SLC5A8: variants seen among roughly 807,000 people sequenced by gnomAD.
The protein encoded by SLC5A8 is solute carrier family 5 member 8, also known as sodium-coupled monocarboxylate transporter 1.
In SLC5A8, 55 loss-of-function variants were observed where a neutral mutation model predicts 71.9. The ratio of observed to expected loss-of-function variants is 0.77; its 90% CI spans 0.62 to 0.96. The LOEUF (loss-of-function observed/expected upper bound fraction) is 0.96. Ranked by LOEUF, SLC5A8 falls within the 40% of genes least tolerant of loss-of-function variation. The probability of loss-of-function intolerance (pLI) is 0.00; values close to 1 mark genes in which losing one functional copy is unlikely to be tolerated. For missense variants in SLC5A8, 701 were observed against 745.3 expected (o/e 0.94, Z 0.69); for synonymous variants, 307 against 276.1 (o/e 1.11, Z -1.11).
Position 101,158,582 on chromosome 12 carries a change from CTCTCTCTCTCTCTCTCTATATATATATA to C in SLC5A8, c.1631-282_1631-255del, listed in dbSNP as rs1228203026. Among the ~76,000 whole-genome samples, 463 of 51,280 alleles carry C rather than the reference CTCTCTCTCTCTCTCTCTATATATATATA, an allele frequency of 9.0e-3. 2 individuals are homozygous for C. Among genetic ancestry groups the C allele is most frequent in the Middle Eastern group, 0.025 (3 of 120 alleles). 33.6% of individuals were successfully genotyped at this position (51,280 alleles called of 152,430 possible). On this transcript the variant is annotated intron_variant, in intron 13 of 14. Transcript: ENST00000536262. ...TCTCTCTCTCTCTCTCTCTCTCTCT[CTCTCTCTCTCTCTCTCTATATATATATA>C]TATATATATATATATATATATATGT...
In SLC5A8 at chr12:101,163,250, A is replaced by G. The variant is rs1409494800; in HGVS notation, c.1527-1173T>C. Among the ~76,000 whole-genome samples, 3 of 152,340 alleles carry G rather than the reference A, an allele frequency of 2.0e-5. No individual in the cohort carries two copies. In the East Asian group the frequency reaches 5.8e-4, roughly 29 times the overall value. On this transcript the variant is annotated intron_variant, in intron 12 of 14. Transcript: ENST00000536262. ...ACATGAACATTCTATGATCATTTCT[A>G]CAATGATTGCTCTAGGATTCCACTT...
At chr12:101,182,350 C>A (rs553705824) in intron 9 of SLC5A8, among the ~76,000 whole-genome samples, 1 of 152,260 alleles carries the variant, frequency 6.6e-6, no homozygotes, top group East Asian at 1.9e-4. Context: ...TATGGGAAGA[C>A]AACATAACTG....
chr12:101,187,375 T>C lies in SLC5A8; in HGVS notation c.963+11A>G, dbSNP rs1206513046. ...TATTAATACACCTGTAAGAAAGACA[T>C]GGTACTGAACCTGGTCTGGTGCAGA... On this transcript the variant is annotated intron_variant, in intron 7 of 14. Transcript: ENST00000536262. 1.1e-5 allele frequency: 18 copies of C among 1,608,312 alleles called. No homozygotes were observed. Among genetic ancestry groups the C allele is most frequent in the Admixed American group, 1.7e-5 (1 of 58,874 alleles).
intron 6 of SLC5A8, among the ~76,000 whole-genome samples, chr12:101,189,852 A>G (rs1868819679): frequency 6.6e-6 from 1 of 152,230 alleles, no homozygotes; most frequent in Non-Finnish European, 1.5e-5. Context: ...AGGAACTTAC[A>G]TATACTAGGC....
chr12:101,158,594 CTCTCTATATATATATATA>C (rs1436991713), intron 13 of SLC5A8, among the ~76,000 whole-genome samples: 5 of 21,312 alleles, frequency 2.3e-4, no homozygotes, highest in South Asian at 1.7e-3. Flanking sequence ...CTCTCTCTCT[CTCTCTATATATATATATA>C]TATATATATA....
At chr12:101,179,559 G>T (rs1352559119) in intron 10 of SLC5A8, among the ~76,000 whole-genome samples, 1 of 152,156 alleles carries the variant, frequency 6.6e-6, no homozygotes, top group Non-Finnish European at 1.5e-5. Flanking sequence ...GTAATTCCAT[G>T]TATGTAGCAT....
At chr12:101,204,924 A>G (rs779452676) in intron 1 of SLC5A8, among the ~76,000 whole-genome samples, 1 of 152,136 alleles carries the variant, frequency 6.6e-6, no homozygotes. Context: ...GGCCTTTTCC[A>G]GAATGTCATA....
chr12:101,195,519 G>A lies in SLC5A8; in HGVS notation c.470-357C>T, dbSNP rs115241779. Among the ~76,000 whole-genome samples the A allele has an allele frequency of 6.8e-3, 1,035 of 152,150 alleles. 10 individuals are homozygous for A. The highest frequency in any genetic ancestry group is 0.023 in the African/African-American group (973 of 41,518). On this transcript the variant is annotated intron_variant, in intron 3 of 14. Transcript: ENST00000536262. ...AATAAACACTCTATTTTTATGTAAT[G>A]TTGCAAATACCTGAATTTGAGGATA...
rs551741624 is a variant in SLC5A8, at chr12:101,195,283, C to T, written c.470-121G>A. ...AGGCACCTTCCTCTATACCCACTTG[C>T]CTAAAGCTAAAACTAGCTCCAAATC... On this transcript the variant is annotated intron_variant, in intron 3 of 14. Coordinates refer to ENST00000536262, the MANE Select transcript of SLC5A8 (RefSeq NM_145913.5). The T allele has an allele frequency of 4.0e-5, 39 of 981,840 alleles. No individual in the cohort carries two copies. In the African/African-American group the frequency reaches 5.6e-4, roughly 14 times the overall value. The allele number at this position is 981,840 out of a possible 1,614,324, so 60.8% of individuals were successfully genotyped here.
In SLC5A8 at chr12:101,187,242, C is replaced by A. The variant is rs1445836214; in HGVS notation, c.963+144G>T. On this transcript the variant is annotated intron_variant, in intron 7 of 14. Coordinates refer to ENST00000536262, the MANE Select transcript of SLC5A8 (RefSeq NM_145913.5). The stretch of plus-strand genomic sequence containing the variant: ...CTTGCTATATCTGCTAAAATAAATT[C>A]TTAACAAAGTTTTATAGAAATGTAA... The A allele has an allele frequency of 1.6e-5, 15 of 927,684 alleles. No homozygotes were observed. The East Asian group carries it at 4.0e-4, about 25-fold the overall frequency. 57.5% of individuals were successfully genotyped at this position (927,684 alleles called of 1,614,324 possible).
At chr12:101,163,894 G>C (rs1190849218) in intron 12 of SLC5A8, among the ~76,000 whole-genome samples, 1 of 152,124 alleles carries the variant, frequency 6.6e-6, no homozygotes, top group Non-Finnish European at 1.5e-5. Flanking sequence ...TTCAATAAAT[G>C]GTGTTTAGTT....
At chr12:101,178,371 G>A (rs35916588) in intron 10 of SLC5A8, among the ~76,000 whole-genome samples, 1 of 152,082 alleles carries the variant, frequency 6.6e-6, no homozygotes. Context: ...AGAATACAGT[G>A]GGAGGAATCG....
intron 13 of SLC5A8, among the ~76,000 whole-genome samples, chr12:101,159,832 G>C (rs969018727): frequency 3.3e-5 from 5 of 152,310 alleles, no homozygotes; most frequent in African/African-American, 9.6e-5. Flanking sequence ...CAGGGAGACT[G>C]GTTAGGTGTA....
At chr12:101,168,576 G>A (rs1393756908) in intron 10 of SLC5A8, among the ~76,000 whole-genome samples, 1 of 152,194 alleles carries the variant, frequency 6.6e-6, no homozygotes, top group Admixed American at 6.6e-5. Context: ...CGGTGGACGA[G>A]TACTGCTATG....
chr12:101,194,943 G>C, intron 4 of SLC5A8, 152 bp downstream of exon 4: 1 of 696,196 alleles, frequency 1.4e-6, no homozygotes, highest in Non-Finnish European at 2.4e-6. Flanking sequence ...TTATACTACA[G>C]ATTATTTCTC....
chr12:101,199,822 C>A (rs938651826), intron 3 of SLC5A8, among the ~76,000 whole-genome samples: 3 of 150,868 alleles, frequency 2.0e-5, no homozygotes, highest in Non-Finnish European at 4.4e-5. Context: ...TATACTACAT[C>A]CATGTATTTC....
intron 3 of SLC5A8, among the ~76,000 whole-genome samples, chr12:101,196,204 T>C (rs114396093): frequency 0.012 from 1,772 of 152,270 alleles, 36 homozygotes; most frequent in African/African-American, 0.04. Context: ...GTTGTTCTCC[T>C]CTGTGTGTCC....
rs199787641 is a variant in SLC5A8, at chr12:101,163,439, G to A, written c.1527-1362C>T. Among the ~76,000 whole-genome samples the A allele has an allele frequency of 1.4e-4, 21 of 152,260 alleles. No individual in the cohort carries two copies. The East Asian group carries it at 3.9e-3, about 28-fold the overall frequency. On this transcript the variant is annotated intron_variant, in intron 12 of 14. Coordinates refer to ENST00000536262, the MANE Select transcript of SLC5A8 (RefSeq NM_145913.5). ...CACACCTATAATCCCAGCACTTTGG[G>A]AGACCAAGGCAGGTGGATAACCTGA... is the stretch of plus-strand genomic sequence containing the variant.
Position 101,210,138 on chromosome 12 carries a change from G to T in SLC5A8, c.-290C>A. ...CACCACGTGAGGAACTGGAGTGGCC[G>T]AGTTCGCCAAGGCGCCGGGGACACC... On this transcript the variant is annotated 5_prime_UTR_variant, in exon 1 of 15. Transcript: ENST00000536262. 2.5e-6 allele frequency: 1 copy of T among 397,716 alleles called. No individual in the cohort carries two copies. Among genetic ancestry groups the T allele is most frequent in the African/African-American group, 2.1e-5 (1 of 47,998 alleles). 24.6% of individuals were successfully genotyped at this position (397,716 alleles called of 1,614,324 possible). A position where few individuals can be genotyped will look rare whatever the true frequency, so the allele number is the denominator to read the frequency against.
Sources: allele counts gnomAD v4.1 joint callset (sites outside exome capture counted in the v4.1 genomes callset), GRCh38; gene constraint gnomAD v4.1.1; transcripts MANE v1.5; gene names NCBI Gene and HGNC (gene_info 2026-07-23, HGNC 2026-07-21).